Variants in FBXO9 observed in about 807,000 individuals in gnomAD.
FBXO9 encodes the protein F-box protein 9, also known as F-box only protein 9.
In FBXO9, 43 loss-of-function variants were observed where a neutral mutation model predicts 63.7. That is an observed-to-expected ratio of 0.67 (90% CI 0.53 to 0.87). The LOEUF is 0.87. FBXO9 is among the 40% of genes least tolerant of loss of function. The pLI is 0.00. For synonymous variants in FBXO9, 156 were observed against 171.7 expected, an observed-to-expected ratio of 0.91 and a Z score of 0.72; for missense variants, 442 against 533.2, an observed-to-expected ratio of 0.83 and a Z score of 1.68.
intron 11 of FBXO9, chr6:53,094,694 A>G (rs764151325): frequency 1.3e-5 from 5 of 396,388 alleles, no homozygotes; most frequent in African/African-American, 6.4e-5. Context: ...ATGTCCAGAC[A>G]GGGCAGAGTT....
rs1356811041 is a variant in FBXO9 at position 53,065,721 on chromosome 6, C to T, written c.-69C>T. 2 of 1,429,018 alleles carry T rather than the reference C, an allele frequency of 1.4e-6. No homozygotes were observed. The highest frequency in any genetic ancestry group is 9.2e-7 in the Non-Finnish European group (1 of 1,090,980). 88.5% of individuals were successfully genotyped at this position (1,429,018 alleles called of 1,614,324 possible). A position where few individuals can be genotyped will look rare whatever the true frequency, so the allele number is the denominator to read the frequency against. On this transcript the variant is annotated 5_prime_UTR_variant, in exon 1 of 13. Transcript: ENST00000323557. ...GAGTAGACACCCGGACACCCAGCAC[C>T]CCTCCTCCGGGGGGCGGTGCAGAGG...
At position 53,099,585 on chromosome 6, in the gene FBXO9, T is replaced by TAA. The variant is rs530661044; in HGVS notation, c.*1768_*1769dup. 6 of 134,916 alleles carry TAA rather than the reference T, an allele frequency of 4.4e-5. No individual in the cohort carries two copies. Among genetic ancestry groups the TAA allele is most frequent in the Admixed American group, 7.4e-5 (1 of 13,526 alleles). 8.4% of individuals were successfully genotyped at this position (134,916 alleles called of 1,614,324 possible). On this transcript the variant is annotated 3_prime_UTR_variant, in exon 13 of 13. Coordinates refer to ENST00000323557, the MANE Select transcript of FBXO9 (RefSeq NM_033480.3). ...GCAAGACCTCATCTCTTCTAAAAAT[T>TAA]AAAAAAAAAAAAAATAGGCATGGTG...
chr6:53,080,371 A>T (rs1769270700), intron 5 of FBXO9, among the ~76,000 whole-genome samples: 1 of 151,132 alleles, frequency 6.6e-6, no homozygotes, highest in Non-Finnish European at 1.5e-5. Flanking sequence ...CTTCGCCTTC[A>T]TCCAATCCTC....
At chr6:53,074,796 T>C (rs1769041153) in intron 3 of FBXO9, among the ~76,000 whole-genome samples, 1 of 152,234 alleles carries the variant, frequency 6.6e-6, no homozygotes, top group Non-Finnish European at 1.5e-5. Flanking sequence ...AGTAGTTTGT[T>C]CCTTTTTATT....
At chr6:53,066,458 C>G (rs1286818336) in intron 1 of FBXO9, among the ~76,000 whole-genome samples, 1 of 152,248 alleles carries the variant, frequency 6.6e-6, no homozygotes, top group Non-Finnish European at 1.5e-5. Context: ...AATACGTAGT[C>G]TCTGCCCTAT....
chr6:53,086,080 C>T (rs545500631), intron 7 of FBXO9, among the ~76,000 whole-genome samples: 2 of 152,226 alleles, frequency 1.3e-5, no homozygotes, highest in South Asian at 4.1e-4. Flanking sequence ...ACCCGGTAGG[C>T]GGAGGTTGCG....
intron 7 of FBXO9, among the ~76,000 whole-genome samples, chr6:53,088,293 GA>G (rs977225589): frequency 1.1e-4 from 16 of 151,740 alleles, no homozygotes; most frequent in African/African-American, 3.4e-4. Flanking sequence ...AAAGTGTGAA[GA>G]AAAAAAATAG....
chr6:53,094,769 C>T (rs1039471285), intron 11 of FBXO9: 8 of 444,894 alleles, frequency 1.8e-5, no homozygotes, highest in Non-Finnish European at 3.2e-5. Flanking sequence ...CTCTGATGGG[C>T]TCCTGGAGCC....
At chr6:53,084,671 A>T (rs9382175) in intron 7 of FBXO9, among the ~76,000 whole-genome samples, 6 of 152,052 alleles carry the variant, frequency 3.9e-5, no homozygotes, top group Non-Finnish European at 5.9e-5. Flanking sequence ...CTTTACGAAC[A>T]GAAGCTTTTG....
chr6:53,093,162 T>C (rs1219655099), intron 9 of FBXO9: 4 of 390,098 alleles, frequency 1.0e-5, no homozygotes, highest in Admixed American at 4.1e-5. Flanking sequence ...GCTCTCACTT[T>C]GTTTGAAATT....
intron 7 of FBXO9, among the ~76,000 whole-genome samples, chr6:53,087,577 A>G (rs1359728064): frequency 6.6e-6 from 1 of 152,156 alleles, no homozygotes; most frequent in Non-Finnish European, 1.5e-5. Flanking sequence ...CTTCTGATAT[A>G]AATCTGAGAA....
At chr6:53,072,496 G>T (rs565678556) in intron 2 of FBXO9, among the ~76,000 whole-genome samples, 1 of 152,340 alleles carries the variant, frequency 6.6e-6, no homozygotes, top group East Asian at 1.9e-4. Flanking sequence ...TTTCAGAGAT[G>T]ACCTGAGTTG....
At chr6:53,079,511 A>G (rs902924864) in intron 5 of FBXO9, among the ~76,000 whole-genome samples, 2 of 152,174 alleles carry the variant, frequency 1.3e-5, no homozygotes, top group African/African-American at 4.8e-5. Flanking sequence ...CATCAAAGCC[A>G]TGAAGTAGCA....
rs944141172 is a variant in FBXO9 at position 53,075,175 on chromosome 6, G to A, written c.250-1311G>A. ...TTTTAAGACAGAGTCTCACTTTGTC[G>A]CCCAGGCTGGAGTGCAGTGGTGTGA... On this transcript the variant is annotated intron_variant, in intron 3 of 12. Transcript: ENST00000323557. Among the ~76,000 whole-genome samples, 7 of 151,318 alleles carry A rather than the reference G, an allele frequency of 4.6e-5. No homozygotes were observed. In the East Asian group the frequency reaches 7.8e-4, roughly 17 times the overall value.
chr6:53,068,261 C>T (rs931267274), intron 1 of FBXO9, among the ~76,000 whole-genome samples: 4 of 152,142 alleles, frequency 2.6e-5, no homozygotes, highest in Non-Finnish European at 5.9e-5. Context: ...AGTTTCATTT[C>T]CTAATAAATC....
rs1339530717 is a variant in FBXO9 at position 53,092,836 on chromosome 6, G to C, written c.863+12G>C. 2 of 1,535,406 alleles carry C rather than the reference G, an allele frequency of 1.3e-6. No individual in the cohort carries two copies. The highest frequency in any genetic ancestry group is 2.7e-5 in the African/African-American group (2 of 72,924). Reference sequence around the variant, plus strand: ...GTGGAATATTACAGGTACAACTGTAGTACACTGAGTGAGTGGAAAATTCTC... The same window carrying C: ...GTGGAATATTACAGGTACAACTGTACTACACTGAGTGAGTGGAAAATTCTC... On this transcript the variant is annotated intron_variant, in intron 9 of 12. Coordinates refer to ENST00000323557, the MANE Select transcript of FBXO9 (RefSeq NM_033480.3).
At position 53,099,982 on chromosome 6, in the gene FBXO9, T is replaced by A. The variant is rs766749556; in HGVS notation, c.*2152T>A. On this transcript the variant is annotated 3_prime_UTR_variant, in exon 13 of 13. Transcript: ENST00000323557. ...CCTGTTGTTCTGCAACATCCCTAGA[T>A]TGAATGATCTGTTGCAGATGGTGGA... is the stretch of plus-strand genomic sequence containing the variant. 6.6e-6 allele frequency: 1 copy of A among 152,208 alleles called. No individual in the cohort carries two copies. Among genetic ancestry groups the A allele is most frequent in the African/African-American group, 2.4e-5 (1 of 41,456 alleles). 9.4% of individuals were successfully genotyped at this position (152,208 alleles called of 1,614,324 possible).
At chr6:53,076,571 C>T (rs1196613165) in intron 4 of FBXO9, 28 bp downstream of exon 4, 1 of 1,457,500 alleles carries the variant, frequency 6.9e-7, no homozygotes. Context: ...AGGTTCATAT[C>T]ATAACATTTC....
chr6:53,078,465 G>C (rs556003702), intron 4 of FBXO9, among the ~76,000 whole-genome samples: 15 of 152,170 alleles, frequency 9.9e-5, no homozygotes, highest in South Asian at 4.2e-4. Flanking sequence ...TCTTAAAAAA[G>C]AGAGAAGTAT....
Sources: allele counts gnomAD v4.1 joint callset (sites outside exome capture counted in the v4.1 genomes callset), GRCh38; gene constraint gnomAD v4.1.1; transcripts MANE v1.5; gene names NCBI Gene and HGNC (gene_info 2026-07-23, HGNC 2026-07-21).